Variants in CSMD1 observed in about 807,000 individuals in gnomAD.
The protein encoded by CSMD1 is CUB and Sushi multiple domains 1.
A neutral mutation model predicts 417.5 loss-of-function variants in CSMD1; 213 were observed. The observed-to-expected ratio is 0.51, with a 90% CI of 0.46 to 0.57. CSMD1 has a LOEUF of 0.57. Ranked by LOEUF, CSMD1 falls within the 20% of genes least tolerant of loss-of-function variation. The pLI, the probability that CSMD1 is intolerant of heterozygous loss-of-function variation, is 0.00. For missense variants in CSMD1, 6,923 were observed against 4,529.7 expected, an observed-to-expected ratio of 1.53 and a Z score of -15.17; for synonymous variants, 2,862 against 1,736.8, an observed-to-expected ratio of 1.65 and a Z score of -16.11.
chr8:4,075,096 C>T (rs1004534756), intron 3 of CSMD1, among the ~76,000 whole-genome samples: 3 of 151,848 alleles, frequency 2.0e-5, no homozygotes, highest in Non-Finnish European at 4.4e-5. Flanking sequence ...TATTATTAGA[C>T]AAAGAACAAA....
At chr8:3,960,446 A>G (rs1414519183) in intron 5 of CSMD1, among the ~76,000 whole-genome samples, 1 of 152,148 alleles carries the variant, frequency 6.6e-6, no homozygotes, top group Non-Finnish European at 1.5e-5. Flanking sequence ...GAGAAATACA[A>G]TTTTCAACAC....
intron 33 of CSMD1, among the ~76,000 whole-genome samples, chr8:3,195,662 G>A (rs898507): frequency 0.023 from 3,565 of 152,214 alleles, 134 homozygotes; most frequent in African/African-American, 0.081. Context: ...CAAGACCAGG[G>A]AATTTAGGGA....
chr8:3,963,939 AAAG>A (rs1462615905), intron 5 of CSMD1, among the ~76,000 whole-genome samples: 2 of 152,204 alleles, frequency 1.3e-5, no homozygotes, highest in Admixed American at 6.5e-5. Context: ...TTCAGAAGAA[AAAG>A]AAGAAAAAGT....
intron 2 of CSMD1, among the ~76,000 whole-genome samples, chr8:4,552,302 T>G (rs950509919): frequency 6.6e-6 from 1 of 152,142 alleles, no homozygotes; most frequent in Non-Finnish European, 1.5e-5. Flanking sequence ...CCCTGAAACG[T>G]TATGCATATC....
chr8:3,890,805 A>T (rs1806919315), intron 5 of CSMD1, among the ~76,000 whole-genome samples: 1 of 152,178 alleles, frequency 6.6e-6, no homozygotes, highest in African/African-American at 2.4e-5. Context: ...TCCAGGGACT[A>T]AAATATAGTA....
chr8:3,958,233 T>C (rs186827256), intron 5 of CSMD1, among the ~76,000 whole-genome samples: 30 of 152,202 alleles, frequency 2.0e-4, no homozygotes, highest in East Asian at 3.9e-4. Flanking sequence ...AACATGAAGA[T>C]AGACTACGTC....
chr8:4,873,913 G>C (rs553806425), intron 1 of CSMD1, among the ~76,000 whole-genome samples: 1 of 152,042 alleles, frequency 6.6e-6, no homozygotes, highest in African/African-American at 2.4e-5. Flanking sequence ...AAGAAGAAAG[G>C]AAAGAAGGAA....
intron 41 of CSMD1, among the ~76,000 whole-genome samples, chr8:3,129,323 T>C (rs964622919): frequency 2.6e-5 from 4 of 152,272 alleles, no homozygotes; most frequent in Admixed American, 2.6e-4. Context: ...TTGTCTGACC[T>C]GTGCTCTAGA....
At position 4,276,321 on chromosome 8, in the gene CSMD1, G is replaced by T. The variant is rs767626044; in HGVS notation, c.415+143632C>A. Among the ~76,000 whole-genome samples, 5 of 152,162 alleles carry T rather than the reference G, an allele frequency of 3.3e-5. No individual in the cohort carries two copies. The South Asian group carries it at 1.0e-3, about 32-fold the overall frequency. ...AAAAAAGGATCAGTTAATGTCCTTT[G>T]CAGGGACATGGATGAAACTAGAAAC... is the stretch of plus-strand genomic sequence containing the variant. On this transcript the variant is annotated intron_variant, in intron 3 of 69. Coordinates refer to ENST00000635120, the MANE Select transcript of CSMD1 (RefSeq NM_033225.6).
In CSMD1 at chr8:3,727,330, C is replaced by T. The variant is rs1016681799; in HGVS notation, c.932-18839G>A. ...GCAGAGCCTCCCGCCTGAACGGTGG[C>T]ACTGCAGTTCCCATAAATATACCTA... On this transcript the variant is annotated intron_variant, in intron 6 of 69. Transcript: ENST00000635120. Among the ~76,000 whole-genome samples, 18 of 152,204 alleles carry T rather than the reference C, an allele frequency of 1.2e-4. 1 individual carries two copies. The highest frequency in any genetic ancestry group is 2.4e-4 in the Non-Finnish European group (16 of 68,036).
At chr8:3,893,557 A>G (rs548972974) in intron 5 of CSMD1, among the ~76,000 whole-genome samples, 2 of 152,012 alleles carry the variant, frequency 1.3e-5, no homozygotes, top group African/African-American at 4.8e-5. Flanking sequence ...GGCAAACGCC[A>G]CTGCTCTACT....
chr8:4,213,966 A>G (rs550421183), intron 3 of CSMD1, among the ~76,000 whole-genome samples: 82 of 152,202 alleles, frequency 5.4e-4, no homozygotes, highest in Non-Finnish European at 9.7e-4. Flanking sequence ...TGCATTTAAC[A>G]CATGGTGTCT....
chr8:3,784,547 T>A (rs1004390502), intron 5 of CSMD1, among the ~76,000 whole-genome samples: 1 of 152,218 alleles, frequency 6.6e-6, no homozygotes, highest in Non-Finnish European at 1.5e-5. Context: ...TGGTCCCTCA[T>A]GGTCATAAAA....
intron 2 of CSMD1, among the ~76,000 whole-genome samples, chr8:4,469,990 C>G (rs1692880578): frequency 1.3e-5 from 2 of 152,096 alleles, no homozygotes; most frequent in South Asian, 4.2e-4. Flanking sequence ...GCCTCAGCCT[C>G]CCGAGTAGCT....
At chr8:3,857,241 A>C (rs965644606) in intron 5 of CSMD1, among the ~76,000 whole-genome samples, 1 of 152,170 alleles carries the variant, frequency 6.6e-6, no homozygotes, top group African/African-American at 2.4e-5. Context: ...TAGGTGGTAG[A>C]GTTACAAGCA....
chr8:4,454,761 C>A (rs1002310681), intron 2 of CSMD1, among the ~76,000 whole-genome samples: 1 of 152,180 alleles, frequency 6.6e-6, no homozygotes, highest in African/African-American at 2.4e-5. Flanking sequence ...GGAAGAATGT[C>A]TGAAATAGCC....
chr8:4,001,826 G>C (rs1267824546), intron 4 of CSMD1, among the ~76,000 whole-genome samples: 5 of 151,796 alleles, frequency 3.3e-5, no homozygotes, highest in African/African-American at 9.7e-5. Context: ...GAAAGGAGTA[G>C]ATGACATAAA....
At chr8:3,456,181 G>C (rs1159392606) in intron 12 of CSMD1, among the ~76,000 whole-genome samples, 1 of 152,196 alleles carries the variant, frequency 6.6e-6, no homozygotes, top group Admixed American at 6.5e-5. Context: ...TAGGGTGGGA[G>C]TGACCCAATT....
chr8:3,913,569 G>A (rs532365264), intron 5 of CSMD1, among the ~76,000 whole-genome samples: 2 of 152,274 alleles, frequency 1.3e-5, no homozygotes, highest in African/African-American at 2.4e-5. Flanking sequence ...CAAAGAATAC[G>A]GTCAGTGAGT....
Sources: allele counts gnomAD v4.1 joint callset (sites outside exome capture counted in the v4.1 genomes callset), GRCh38; gene constraint gnomAD v4.1.1; transcripts MANE v1.5; gene names NCBI Gene and HGNC (gene_info 2026-07-23, HGNC 2026-07-21).